MAN2C1: variants seen among roughly 807,000 people sequenced by gnomAD.
MAN2C1 encodes the protein mannosidase alpha class 2C member 1, also known as alpha-mannosidase 2C1.
A neutral mutation model predicts 126.9 loss-of-function variants in MAN2C1; 111 were observed. The observed-to-expected ratio is 0.87, with a 90% CI of 0.75 to 1.02. MAN2C1 has a LOEUF of 1.02. Among genes scored for constraint, MAN2C1 ranks in the 50% least tolerant of loss-of-function variants. MAN2C1 has a pLI of 0.00. For synonymous variants in MAN2C1, 567 were observed against 561.5 expected, an observed-to-expected ratio of 1.01 and a Z score of -0.14; for missense variants, 1,363 against 1,364.4, an observed-to-expected ratio of 1.00 and a Z score of 0.02.
In MAN2C1 at chr15:75,356,606, C is replaced by A. The variant is rs1359519663; in HGVS notation, c.2737G>T (p.Gly913Cys). 1.9e-6 allele frequency: 3 copies of A among 1,559,328 alleles called. No homozygotes were observed. Among genetic ancestry groups the A allele is most frequent in the Non-Finnish European group, 2.6e-6 (3 of 1,152,106 alleles). The change falls in exon 23 of 26, where the codon GGC (glycine) becomes TGC (cysteine). Residue 913 changes from glycine to cysteine, a missense_variant and splice_region_variant. Physicochemically the swap from Gly to Cys is radical, Grantham distance 159 (BLOSUM62 -3). Coordinates refer to ENST00000267978, the MANE Select transcript of MAN2C1 (RefSeq NM_006715.4). The surrounding 1 kb of genome is among the most constrained non-coding windows in gnomAD (Gnocchi z 5.8). ...AGGCCCCACCGTCCCCAGCACTCACCCTTGTGCGGCATCAGTGCATAGGTG... is the reference window on the plus strand; with the variant it reads ...AGGCCCCACCGTCCCCAGCACTCACACTTGTGCGGCATCAGTGCATAGGTG... ...EFTYALMPHK[G>C]SFQDAGVIQA...
chr15:75,363,767 T>C lies in MAN2C1; in HGVS notation c.790+232A>G, dbSNP rs576080588. Reference sequence around the variant, plus strand: ...GTTGCAGTGAGCCGAGATCACACCATTGCACTCCACCCTGGGTGACAAGAG... The same window carrying C: ...GTTGCAGTGAGCCGAGATCACACCACTGCACTCCACCCTGGGTGACAAGAG... On this transcript the variant is annotated intron_variant, in intron 6 of 25. Transcript: ENST00000267978. 255 of 527,772 alleles carry C rather than the reference T, an allele frequency of 4.8e-4. 1 individual carries two copies. The highest frequency in any genetic ancestry group is 4.3e-3 in the African/African-American group (223 of 51,844). 32.7% of individuals were successfully genotyped at this position (527,772 alleles called of 1,614,324 possible). A position where few individuals can be genotyped will look rare whatever the true frequency, so the allele number is the denominator to read the frequency against.
At position 75,368,554 on chromosome 15, in the gene MAN2C1, C is replaced by A. The variant is rs2072641347; in HGVS notation, c.30G>T (p.Trp10Cys). 2 of 1,551,926 alleles carry A rather than the reference C, an allele frequency of 1.3e-6. No homozygotes were observed. The highest frequency in any genetic ancestry group is 1.9e-5 in the Admixed American group (1 of 51,466). ...TCTCCACCCGCTCCAGCGTGGTGCG[C>A]CAGTGCTTCAAGGCCGGCGCAGCCG... is the stretch of plus-strand genomic sequence containing the variant. MAAAPALKH[W>C]RTTLERVEKF... The change falls in exon 1 of 26, where the codon TGG becomes TGT. Residue 10 changes from tryptophan to cysteine, a missense_variant. By Grantham distance (215) the Trp-to-Cys change is radical. Transcript: ENST00000267978.
At position 75,358,471 on chromosome 15, in the gene MAN2C1, G is replaced by A. The variant is rs2072387849; in HGVS notation, c.2394C>T (p.Phe798=). ...CCTACCCCCCGACTACCTCGGTGTG[G>A]AAGCGGACATAGGGGCAGCCAACGT... ...VLDVGCPYVR[F]HTEVHWHEAH... Residue 798 remains phenylalanine (F), a synonymous_variant, in exon 20 of 26, where the codon TTC becomes TTT. Coordinates refer to ENST00000267978, the MANE Select transcript of MAN2C1 (RefSeq NM_006715.4). The A allele has an allele frequency of 5.0e-6, 8 of 1,613,560 alleles. No individual in the cohort carries two copies. The highest frequency in any genetic ancestry group is 6.8e-6 in the Non-Finnish European group (8 of 1,179,988).
intron 4 of MAN2C1, 143 bp downstream of exon 4, chr15:75,366,379 C>A: frequency 2.9e-6 from 2 of 697,156 alleles, no homozygotes; most frequent in Non-Finnish European, 2.4e-6. Context: ...AAAAATCATG[C>A]TTTTAAAAGC....
In MAN2C1 at chr15:75,356,558, G is replaced by C; in HGVS notation, c.2737+48C>G. On this transcript the variant is annotated intron_variant, in intron 23 of 25. Coordinates refer to ENST00000267978, the MANE Select transcript of MAN2C1 (RefSeq NM_006715.4). The surrounding 1 kb of genome is among the most constrained non-coding windows in gnomAD (Gnocchi z 5.8). ...TGGGGTTTGGGCTCAGGGAAGGGCA[G>C]AGAGGTGTCTAGGGCTGCAGGAAGG... 6.4e-7 allele frequency: 1 copy of C among 1,550,938 alleles called. No individual in the cohort carries two copies. Among genetic ancestry groups the C allele is most frequent in the Non-Finnish European group, 8.7e-7 (1 of 1,146,080 alleles).
chr15:75,358,572 C>A lies in MAN2C1; in HGVS notation c.2293G>T (p.Gly765Cys). 6.2e-7 allele frequency: 1 copy of A among 1,613,390 alleles called. No homozygotes were observed. Among genetic ancestry groups the A allele is most frequent in the Non-Finnish European group, 8.5e-7 (1 of 1,180,012 alleles). ...AACCAGGCGCTGCCCCGCAGGCCGC[C>A]CTCGGTGCCCACTGCCAGGGTCCCT... ...QAGTLAVGTE[G>C]GLRGSAWFLL... is the part of the protein sequence containing the mutation. Residue 765 changes from glycine (G) to cysteine (C), a missense_variant, in exon 20 of 26, where the codon GGC (glycine) becomes TGC (cysteine). Physicochemically the swap from Gly to Cys is radical, Grantham distance 159. This residue lies in a region of MAN2C1 where 668 missense variants were observed against 650.1 expected (regional missense o/e 1.03). Coordinates refer to ENST00000267978, the MANE Select transcript of MAN2C1 (RefSeq NM_006715.4).
At chr15:75,363,889 G>A in intron 6 of MAN2C1, 110 bp downstream of exon 6, 1 of 1,227,202 alleles carries the variant, frequency 8.1e-7, no homozygotes, top group Non-Finnish European at 1.1e-6. Flanking sequence ...GAAAACGCAG[G>A]TCCAAGAGGA....
intron 12 of MAN2C1, 149 bp from the exon 13 acceptor site, chr15:75,360,837 G>C (rs556061259): frequency 8.3e-7 from 1 of 1,203,548 alleles, no homozygotes; most frequent in Non-Finnish European, 1.1e-6. Context: ...GACGCCCTAG[G>C]AGAGCCTCTC....
chr15:75,360,762 A>G (rs917904136), intron 12 of MAN2C1, 74 bp from the exon 13 acceptor site: 22 of 1,569,518 alleles, frequency 1.4e-5, no homozygotes, highest in Non-Finnish European at 8.7e-7. Context: ...ACCAAAGCAA[A>G]GGATCCAGCT....
rs760333914 is a variant in MAN2C1, at chr15:75,368,102, G to C, written c.198C>G (p.Pro66=). The C allele has an allele frequency of 1.7e-5, 27 of 1,607,504 alleles. No individual in the cohort carries two copies. In the Admixed American group the frequency reaches 3.7e-4, roughly 22 times the overall value. Residue 66 remains proline (P), a synonymous_variant, in exon 2 of 26, where the codon CCC becomes CCG. Coordinates refer to ENST00000267978, the MANE Select transcript of MAN2C1 (RefSeq NM_006715.4). ...YQEAVQRDFR[P]AQVGDSFGPT... ...GTCCGAAGCTGTCGCCGACCTGCGC[G>C]GGGCGGAAGTCCCGCTGGACTGCCT...
chr15:75,359,538 G>C (rs2072422286), intron 16 of MAN2C1, 82 bp downstream of exon 16: 2 of 1,581,348 alleles, frequency 1.3e-6, no homozygotes, highest in Admixed American at 1.7e-5. Flanking sequence ...GGGGCACCCA[G>C]ATCCCTCGGG....
rs2072484651 is a variant in MAN2C1 at position 75,362,242 on chromosome 15, G to A, written c.1008+101C>T. On this transcript the variant is annotated intron_variant, in intron 8 of 25. Coordinates refer to ENST00000267978, the MANE Select transcript of MAN2C1 (RefSeq NM_006715.4). This position sits in a 1 kb window ranked among gnomAD's most constrained non-coding sequence, Gnocchi z 4.5. ...CAGCCCTGCCACACAGCGGGGATGA[G>A]TGGCCCGTGGAAACTCACCAGCAAA... 1 of 1,012,488 alleles carries A rather than the reference G, an allele frequency of 9.9e-7. No homozygotes were observed. The highest frequency in any genetic ancestry group is 2.0e-5 in the Admixed American group (1 of 50,322). The allele number at this position is 1,012,488 out of a possible 1,614,324, so 62.7% of individuals were successfully genotyped here.
intron 4 of MAN2C1, chr15:75,365,660 C>T (rs751684179): frequency 2.9e-5 from 5 of 174,410 alleles, no homozygotes; most frequent in South Asian, 1.9e-4. Flanking sequence ...TGGGAGGCGG[C>T]GGTCGCAGTG....
chr15:75,366,472 C>G (rs750869007), intron 4 of MAN2C1, 50 bp downstream of exon 4: 21 of 1,545,826 alleles, frequency 1.4e-5, no homozygotes, highest in Non-Finnish European at 1.7e-5. Context: ...TCCTTGCTCA[C>G]TGGTACTCCC....
rs749185650 is a variant in MAN2C1, at chr15:75,367,633, A to C, written c.229T>G (p.Trp77Gly). The C allele has an allele frequency of 5.6e-6, 9 of 1,614,050 alleles. No homozygotes were observed. Among genetic ancestry groups the C allele is most frequent in the Non-Finnish European group, 7.6e-6 (9 of 1,180,004 alleles). The change falls in exon 3 of 26, where the codon TGG (tryptophan) becomes GGG (glycine). Residue 77 changes from tryptophan (W) to glycine (G), a missense_variant and splice_region_variant. Around this residue, in one of 3 missense-constraint regions of MAN2C1, gnomAD observed 628 missense variants for 609.8 expected, o/e 1.03. Coordinates refer to ENST00000267978, the MANE Select transcript of MAN2C1 (RefSeq NM_006715.4). ...AQVGDSFGPT[W>G]WTCWFRVELT... The stretch of plus-strand genomic sequence containing the variant: ...TCCACCCGGAACCAGCAGGTCCACC[A>C]TCTGCAAGAGAGCTGTTGTGATAGG...
At chr15:75,363,891 C>A in intron 6 of MAN2C1, 108 bp downstream of exon 6, 1 of 1,251,056 alleles carries the variant, frequency 8.0e-7, no homozygotes, top group Non-Finnish European at 1.1e-6. Flanking sequence ...AAACGCAGGT[C>A]CAAGAGGAGC....
In MAN2C1 at chr15:75,362,084, C is replaced by T; in HGVS notation, c.1009-137G>A. 1 of 729,736 alleles carries T rather than the reference C, an allele frequency of 1.4e-6. No homozygotes were observed. The highest frequency in any genetic ancestry group is 1.6e-5 in the South Asian group (1 of 60,790). The allele number at this position is 729,736 out of a possible 1,614,324, so 45.2% of individuals were successfully genotyped here. A position where few individuals can be genotyped will look rare whatever the true frequency, so the allele number is the denominator to read the frequency against. On this transcript the variant is annotated intron_variant, in intron 8 of 25. Coordinates refer to ENST00000267978, the MANE Select transcript of MAN2C1 (RefSeq NM_006715.4). The surrounding 1 kb of genome is among the most constrained non-coding windows in gnomAD (Gnocchi z 4.5). ...AGTTACAGCCAGAACTCAGGAAGGG[C>T]CCCTGTCCTTCAGGCCTGACTGTCC...
chr15:75,361,548 T>C lies in MAN2C1; in HGVS notation c.1218+56A>G, dbSNP rs2072469971. 7.0e-7 allele frequency: 1 copy of C among 1,426,276 alleles called. No individual in the cohort carries two copies. The highest frequency in any genetic ancestry group is 2.3e-5 in the East Asian group (1 of 43,998). The allele number at this position is 1,426,276 out of a possible 1,614,324, so 88.4% of individuals were successfully genotyped here. On this transcript the variant is annotated intron_variant, in intron 10 of 25. Coordinates refer to ENST00000267978, the MANE Select transcript of MAN2C1 (RefSeq NM_006715.4). This position sits in a 1 kb window ranked among gnomAD's most constrained non-coding sequence, Gnocchi z 5.0. ...CCCCACAATAAGGGGGAGAGGCAAA[T>C]GGGCCAGGCGGGACTGAGGCCCACT...
At chr15:75,367,441 C>T (rs2072596804) in intron 3 of MAN2C1, 70 bp downstream of exon 3, 2 of 1,571,086 alleles carry the variant, frequency 1.3e-6, no homozygotes, top group East Asian at 2.2e-5. Context: ...CCAGAGTCCA[C>T]AGAAGAAGGG....
Sources: gnomAD v4.1 joint callset for allele counts on GRCh38, gnomAD v4.1.1 for gene constraint, gnomAD v4.1.1 regional missense constraint, Gnocchi (gnomAD v3.1) non-coding constraint, MANE v1.5 for transcripts, NCBI Gene and HGNC (gene_info 2026-07-23, HGNC 2026-07-21) for gene names.